Variants in NKAIN3 observed in about 807,000 individuals in gnomAD.
The protein encoded by NKAIN3 is sodium/potassium-transporting ATPase subunit beta-1-interacting protein 3.
In NKAIN3, 25 loss-of-function variants were observed where a neutral mutation model predicts 30.2. The ratio of observed to expected loss-of-function variants is 0.83; its 90% CI spans 0.60 to 1.16. The LOEUF (loss-of-function observed/expected upper bound fraction) is 1.16. Among genes scored for constraint, NKAIN3 ranks in the 50% most tolerant of loss-of-function variants. NKAIN3 has a pLI of 0.00. For missense variants in NKAIN3, 225 were observed against 254.1 expected (o/e 0.89, Z 0.78); for synonymous variants, 91 against 89.6 (o/e 1.02, Z -0.09).
intron 1 of NKAIN3, among the ~76,000 whole-genome samples, chr8:62,498,376 C>T (rs1807309543): frequency 1.3e-5 from 2 of 152,168 alleles, no homozygotes; most frequent in East Asian, 1.9e-4. Context: ...CTCTTAGCCA[C>T]TTTCTCTTCA....
chr8:62,401,461 T>TA (rs1803870659), intron 1 of NKAIN3, among the ~76,000 whole-genome samples: 1 of 152,184 alleles, frequency 6.6e-6, no homozygotes, highest in African/African-American at 2.4e-5. Flanking sequence ...GGTGAATGCA[T>TA]GTTTTACTGG....
chr8:62,555,770 C>T (rs921532603), intron 1 of NKAIN3, among the ~76,000 whole-genome samples: 12 of 151,892 alleles, frequency 7.9e-5, no homozygotes, highest in Non-Finnish European at 1.5e-4. Flanking sequence ...AAATTCCACA[C>T]AAAGAGATAT....
intron 1 of NKAIN3, among the ~76,000 whole-genome samples, chr8:62,261,702 G>A (rs1052973889): frequency 6.6e-6 from 1 of 152,120 alleles, no homozygotes; most frequent in African/African-American, 2.4e-5. Flanking sequence ...CTTGAAGAAG[G>A]CTTCAGGAAG....
intron 4 of NKAIN3, among the ~76,000 whole-genome samples, chr8:62,761,208 G>A (rs574319919): frequency 6.6e-6 from 1 of 152,118 alleles, no homozygotes; most frequent in African/African-American, 2.4e-5. Context: ...ACTAATTGTA[G>A]AGAGTCAAAA....
chr8:62,504,078 G>A (rs563375760), intron 1 of NKAIN3, among the ~76,000 whole-genome samples: 16 of 152,250 alleles, frequency 1.1e-4, no homozygotes, highest in African/African-American at 1.2e-4. Flanking sequence ...CCCTCCATCC[G>A]GGGTCCCTGA....
At chr8:62,425,064 T>A (rs546958751) in intron 1 of NKAIN3, among the ~76,000 whole-genome samples, 2 of 151,766 alleles carry the variant, frequency 1.3e-5, no homozygotes, top group African/African-American at 2.4e-5. Context: ...ATGATTCCAC[T>A]TATATGAGGT....
intron 4 of NKAIN3, among the ~76,000 whole-genome samples, chr8:62,904,623 A>G (rs1013209419): frequency 1.3e-5 from 2 of 152,184 alleles, no homozygotes; most frequent in African/African-American, 4.8e-5. Flanking sequence ...GGAACTTCAG[A>G]ATTGCTACCA....
intron 4 of NKAIN3, among the ~76,000 whole-genome samples, chr8:62,805,476 A>G (rs1328998481): frequency 6.6e-6 from 1 of 152,330 alleles, no homozygotes; most frequent in African/African-American, 2.4e-5. Context: ...GGAACAGAAT[A>G]GAGCCCTTGG....
intron 4 of NKAIN3, among the ~76,000 whole-genome samples, chr8:62,912,555 C>T (rs914429032): frequency 2.6e-5 from 4 of 152,124 alleles, no homozygotes; most frequent in African/African-American, 9.7e-5. Flanking sequence ...TTTTTCTTTA[C>T]ATCCTTATTT....
intron 1 of NKAIN3, among the ~76,000 whole-genome samples, chr8:62,472,432 A>G (rs762596991): frequency 7.9e-5 from 12 of 152,182 alleles, no homozygotes; most frequent in Non-Finnish European, 1.6e-4. Flanking sequence ...AACAAGGGTA[A>G]CACTATCTGG....
At chr8:62,674,863 C>T (rs574838249) in intron 3 of NKAIN3, among the ~76,000 whole-genome samples, 4 of 152,288 alleles carry the variant, frequency 2.6e-5, no homozygotes, top group South Asian at 4.1e-4. Flanking sequence ...TGCTCTGCTG[C>T]GCCAATCACA....
At chr8:62,879,871 C>T (rs144972032) in intron 4 of NKAIN3, among the ~76,000 whole-genome samples, 2 of 152,304 alleles carry the variant, frequency 1.3e-5, no homozygotes, top group African/African-American at 4.8e-5. Context: ...ACCCCGTCAA[C>T]TGGCCATAGT....
chr8:62,636,434 G>A (rs1292099875), intron 3 of NKAIN3, among the ~76,000 whole-genome samples: 1 of 152,092 alleles, frequency 6.6e-6, no homozygotes. Flanking sequence ...AATTTTCCTA[G>A]TATAAGTTAT....
intron 4 of NKAIN3, among the ~76,000 whole-genome samples, chr8:62,779,049 G>A (rs551807895): frequency 6.6e-6 from 1 of 152,098 alleles, no homozygotes; most frequent in African/African-American, 2.4e-5. Context: ...TCTGCCAGGT[G>A]CCCTATCCTA....
intron 3 of NKAIN3, among the ~76,000 whole-genome samples, chr8:62,662,672 T>G (rs764837021): frequency 6.6e-6 from 1 of 152,220 alleles, no homozygotes; most frequent in Non-Finnish European, 1.5e-5. Flanking sequence ...TACAATCTAG[T>G]GAGTGACCCA....
intron 4 of NKAIN3, among the ~76,000 whole-genome samples, chr8:62,767,699 A>C (rs2130629869): frequency 6.6e-6 from 1 of 152,188 alleles, no homozygotes; most frequent in South Asian, 2.1e-4. Context: ...AAAGTCTGCT[A>C]GACCGATCTT....
intron 5 of NKAIN3, among the ~76,000 whole-genome samples, chr8:62,934,198 G>A (rs1445560467): frequency 5.3e-5 from 8 of 151,164 alleles, no homozygotes; most frequent in African/African-American, 9.8e-5. Flanking sequence ...CAGTCTGGGC[G>A]ACATGGTGAG....
chr8:62,707,709 T>C (rs1337454449), intron 3 of NKAIN3, among the ~76,000 whole-genome samples: 1 of 152,186 alleles, frequency 6.6e-6, no homozygotes, highest in Non-Finnish European at 1.5e-5. Context: ...CCTTTTGCTA[T>C]GCAAAAGATC....
chr8:62,718,697 T>C (rs747524819), intron 3 of NKAIN3, among the ~76,000 whole-genome samples: 68 of 152,206 alleles, frequency 4.5e-4, no homozygotes, highest in Non-Finnish European at 3.8e-4. Context: ...AGAGCAAATT[T>C]ATATCTATTT....
Sources: allele counts gnomAD v4.1 joint callset (sites outside exome capture counted in the v4.1 genomes callset), GRCh38; gene constraint gnomAD v4.1.1; transcripts MANE v1.5; gene names NCBI Gene and HGNC (gene_info 2026-07-23, HGNC 2026-07-21).